ANKS1B: variants seen among roughly 807,000 people sequenced by gnomAD.
ANKS1B encodes the protein ankyrin repeat and sterile alpha motif domain-containing protein 1B.
ANKS1B carries 36 observed loss-of-function variants against 148.3 expected under a neutral mutation model. The ratio of observed to expected loss-of-function variants is 0.24; its 90% CI spans 0.19 to 0.32. The LOEUF is 0.32. Among genes scored for constraint, ANKS1B ranks in the 10% least tolerant of loss-of-function variants. The probability of loss-of-function intolerance (pLI) is 1.00; values close to 1 mark genes in which losing one functional copy is unlikely to be tolerated. For synonymous variants in ANKS1B, 542 were observed against 560.8 expected (o/e 0.97, Z 0.47); for missense variants, 1,157 against 1,542.6 (o/e 0.75, Z 4.19).
At chr12:98,840,752 A>G (rs2099401321) in intron 17 of ANKS1B, among the ~76,000 whole-genome samples, 1 of 152,222 alleles carries the variant, frequency 6.6e-6, no homozygotes, top group South Asian at 2.1e-4. Context: ...GCTTCAGAAG[A>G]TTAAAAACAC....
chr12:98,923,548 T>G (rs1053423931), intron 17 of ANKS1B, among the ~76,000 whole-genome samples: 7 of 152,194 alleles, frequency 4.6e-5, no homozygotes, highest in Admixed American at 6.5e-5. Context: ...CATTCTGCAA[T>G]TCTTGCACAA....
At chr12:99,970,071 T>G (rs1169463425) in intron 1 of ANKS1B, among the ~76,000 whole-genome samples, 2 of 152,202 alleles carry the variant, frequency 1.3e-5, no homozygotes, top group African/African-American at 4.8e-5. Context: ...AAGAAAATAT[T>G]AAGTAACAAC....
intron 8 of ANKS1B, among the ~76,000 whole-genome samples, chr12:99,756,156 C>T (rs2061546520): frequency 7.1e-6 from 1 of 140,624 alleles, no homozygotes; most frequent in African/African-American, 2.7e-5. Flanking sequence ...GTAAAACCAT[C>T]CCTGTTTGCA....
At chr12:99,230,523 AT>A (rs2086672700) in intron 14 of ANKS1B, among the ~76,000 whole-genome samples, 1 of 152,182 alleles carries the variant, frequency 6.6e-6, no homozygotes. Context: ...CCACAGAATA[AT>A]ACTCAACTAT....
chr12:99,824,280 T>C (rs1158911593), intron 2 of ANKS1B, among the ~76,000 whole-genome samples: 3 of 151,736 alleles, frequency 2.0e-5, no homozygotes, highest in East Asian at 1.9e-4. Flanking sequence ...GGCGGGCAGA[T>C]CACGAGGTCA....
At chr12:99,267,508 C>A (rs1422282107) in intron 12 of ANKS1B, among the ~76,000 whole-genome samples, 1 of 152,078 alleles carries the variant, frequency 6.6e-6, no homozygotes, top group Non-Finnish European at 1.5e-5. Context: ...ATCTGTGAGG[C>A]AGGTACTATT....
intron 17 of ANKS1B, among the ~76,000 whole-genome samples, chr12:98,930,136 G>C (rs1446019544): frequency 6.6e-6 from 1 of 152,024 alleles, no homozygotes; most frequent in African/African-American, 2.4e-5. Flanking sequence ...GATTTGAATA[G>C]ACATTTCTCC....
At chr12:99,750,628 C>T (rs2061018976) in intron 8 of ANKS1B, among the ~76,000 whole-genome samples, 1 of 152,016 alleles carries the variant, frequency 6.6e-6, no homozygotes, top group South Asian at 2.1e-4. Context: ...TGACTGAGTA[C>T]TAGTCAGTGG....
chr12:99,285,718 A>G (rs1035073594), intron 12 of ANKS1B, among the ~76,000 whole-genome samples: 2 of 152,028 alleles, frequency 1.3e-5, no homozygotes, highest in Admixed American at 1.3e-4. Flanking sequence ...CCTGGCAGTG[A>G]CTGTGTGGCA....
intron 9 of ANKS1B, among the ~76,000 whole-genome samples, chr12:99,590,258 C>CCACA (rs374132496): frequency 0.03 from 3,935 of 132,852 alleles, 155 homozygotes; most frequent in African/African-American, 0.08. Flanking sequence ...CCACACCCAC[C>CCACA]CACACACACA....
intron 15 of ANKS1B, among the ~76,000 whole-genome samples, chr12:99,116,034 ATC>A (rs1159503281): frequency 6.6e-6 from 1 of 151,888 alleles, no homozygotes; most frequent in Non-Finnish European, 1.5e-5. Context: ...AGATTACTTA[ATC>A]TCTCTGTCCT....
chr12:99,380,949 G>C (rs1029219696), intron 12 of ANKS1B, among the ~76,000 whole-genome samples: 1 of 152,148 alleles, frequency 6.6e-6, no homozygotes, highest in Non-Finnish European at 1.5e-5. Context: ...TAACAAAGGT[G>C]GGCCCCGAAT....
intron 4 of ANKS1B, 140 bp from the exon 5 acceptor site, chr12:99,782,237 T>C: frequency 1.4e-6 from 1 of 698,754 alleles, no homozygotes; most frequent in East Asian, 2.7e-5. Flanking sequence ...TCATGTGGAA[T>C]AAAGAAGAGA....
chr12:99,115,564 C>G (rs563841587), intron 15 of ANKS1B, among the ~76,000 whole-genome samples: 1 of 152,180 alleles, frequency 6.6e-6, no homozygotes, highest in South Asian at 2.1e-4. Context: ...ACAACAAACC[C>G]TCGTGACACT....
chr12:99,242,449 G>A (rs939993101), intron 14 of ANKS1B, among the ~76,000 whole-genome samples: 1 of 152,104 alleles, frequency 6.6e-6, no homozygotes, highest in Non-Finnish European at 1.5e-5. Context: ...AATCAATATC[G>A]TGAAAATGGC....
At chr12:99,499,252 T>C (rs1178017986) in intron 10 of ANKS1B, among the ~76,000 whole-genome samples, 1 of 152,172 alleles carries the variant, frequency 6.6e-6, no homozygotes, top group African/African-American at 2.4e-5. Flanking sequence ...CTCCTTTACC[T>C]TAGAATTCAT....
At chr12:98,793,880 C>T (rs912582655) in intron 22 of ANKS1B, among the ~76,000 whole-genome samples, 1 of 152,100 alleles carries the variant, frequency 6.6e-6, no homozygotes, top group Non-Finnish European at 1.5e-5. Flanking sequence ...ATTCAGGGTT[C>T]GGGATGGGGT....
At chr12:99,873,454 G>C (rs1158331717) in intron 1 of ANKS1B, among the ~76,000 whole-genome samples, 3 of 152,108 alleles carry the variant, frequency 2.0e-5, no homozygotes, top group Non-Finnish European at 4.4e-5. Context: ...CTGCTCCATA[G>C]ATCAACTTTC....
chr12:99,263,629 T>A (rs1358188471), intron 12 of ANKS1B, among the ~76,000 whole-genome samples: 1 of 152,120 alleles, frequency 6.6e-6, no homozygotes, highest in Admixed American at 6.6e-5. Context: ...CGAATTGTAA[T>A]CCCCACTTGA....
Sources: gnomAD v4.1 joint callset for allele counts (sites outside exome capture counted in the v4.1 genomes callset) on GRCh38, gnomAD v4.1.1 for gene constraint, MANE v1.5 for transcripts, NCBI Gene and HGNC (gene_info 2026-07-23, HGNC 2026-07-21) for gene names.